Variants in MGA observed in about 807,000 individuals in gnomAD.
MGA encodes MAX dimerization protein MGA, also known as MAX gene-associated protein.
MGA carries 40 observed loss-of-function variants against 261.1 expected under a neutral mutation model. That is an observed-to-expected ratio of 0.15 (90% CI 0.12 to 0.20). MGA has a LOEUF of 0.20. Ranked by LOEUF, MGA falls within the 10% of genes least tolerant of loss-of-function variation. The pLI, the probability that MGA is intolerant of heterozygous loss-of-function variation, is 1.00. For synonymous variants in MGA, 1,302 were observed against 1,290.6 expected (o/e 1.01, Z -0.19); for missense variants, 3,397 against 3,630.5 (o/e 0.94, Z 1.65).
rs1404941762 is a variant in MGA at position 41,760,545 on chromosome 15, A to G, written c.7398+16A>G. 1.2e-6 allele frequency: 2 copies of G among 1,611,418 alleles called. No individual in the cohort carries two copies. The highest frequency in any genetic ancestry group is 3.3e-5 in the Admixed American group (2 of 59,970). Reference sequence around the variant, plus strand: ...TCTTACTCGAGTAAGTGTTCTGTGTAAATGACAGTAAGAGCTTGACTAAGA... The same window carrying G: ...TCTTACTCGAGTAAGTGTTCTGTGTGAATGACAGTAAGAGCTTGACTAAGA... On this transcript the variant is annotated intron_variant, in intron 20 of 23. Coordinates refer to ENST00000219905, the MANE Select transcript of MGA (RefSeq NM_001164273.2).
intron 5 of MGA, 112 bp from the exon 6 acceptor site, chr15:41,707,616 C>A: frequency 1.0e-6 from 1 of 1,000,752 alleles, no homozygotes; most frequent in Non-Finnish European, 1.4e-6. Context: ...TATCTCCTTT[C>A]TCTCTCGACC....
At chr15:41,646,490 C>T (rs992112964) in intron 1 of MGA, among the ~76,000 whole-genome samples, 2 of 151,678 alleles carry the variant, frequency 1.3e-5, no homozygotes, top group African/African-American at 4.8e-5. Context: ...GGGTAACAGG[C>T]GTGTATTTTT....
chr15:41,705,590 G>A (rs867158080), intron 5 of MGA, among the ~76,000 whole-genome samples: 1 of 152,080 alleles, frequency 6.6e-6, no homozygotes, highest in South Asian at 2.1e-4. Context: ...TTGAACTTTC[G>A]GGCTCAACCA....
chr15:41,660,918 T>G (rs2057362472), intron 1 of MGA, among the ~76,000 whole-genome samples: 1 of 152,138 alleles, frequency 6.6e-6, no homozygotes, highest in Non-Finnish European at 1.5e-5. Flanking sequence ...GGGCTCTAGG[T>G]CGAGAGCCAC....
intron 2 of MGA, among the ~76,000 whole-genome samples, chr15:41,690,970 G>A (rs1490273644): frequency 7.6e-6 from 1 of 131,600 alleles, no homozygotes; most frequent in African/African-American, 2.8e-5. Flanking sequence ...TGAGAACTTT[G>A]TTTCTAATTT....
intron 1 of MGA, among the ~76,000 whole-genome samples, chr15:41,637,211 T>C (rs2056728194): frequency 6.6e-6 from 1 of 152,128 alleles, no homozygotes; most frequent in Admixed American, 6.5e-5. Flanking sequence ...TGGAAAGATT[T>C]GGGCAGTGAC....
intron 15 of MGA, among the ~76,000 whole-genome samples, chr15:41,743,511 A>G (rs1010861604): frequency 2.0e-5 from 3 of 152,234 alleles, no homozygotes; most frequent in Non-Finnish European, 4.4e-5. Flanking sequence ...ACTAAAAAAC[A>G]TTACAATGGA....
chr15:41,750,188 A>C lies in MGA; in HGVS notation c.6581A>C (p.Lys2194Thr). The change falls in exon 17 of 24, where the codon AAG becomes ACG. Residue 2194 changes from lysine (K) to threonine (T), a missense_variant. Around this residue, in one of 9 missense-constraint regions of MGA, gnomAD observed 1,410 missense variants for 1,386.4 expected, o/e 1.02. Coordinates refer to ENST00000219905, the MANE Select transcript of MGA (RefSeq NM_001164273.2). ...TGTGTTGGAGCTTCACAGGAATGTAAGAAAGAGGCAGACGAGCAGTTAATT... is the reference window on the plus strand; with the variant it reads ...TGTGTTGGAGCTTCACAGGAATGTACGAAAGAGGCAGACGAGCAGTTAATT... 1 of 1,613,962 alleles carries C rather than the reference A, an allele frequency of 6.2e-7. No homozygotes were observed. The highest frequency in any genetic ancestry group is 8.5e-7 in the Non-Finnish European group (1 of 1,179,886).
At chr15:41,682,988 G>A (rs1022375052) in intron 2 of MGA, among the ~76,000 whole-genome samples, 5 of 152,028 alleles carry the variant, frequency 3.3e-5, no homozygotes, top group African/African-American at 7.3e-5. Flanking sequence ...TTACGTGTTG[G>A]GAATTGGCTT....
intron 9 of MGA, among the ~76,000 whole-genome samples, chr15:41,724,982 G>A (rs1185274375): frequency 6.6e-6 from 1 of 152,174 alleles, no homozygotes; most frequent in Non-Finnish European, 1.5e-5. Flanking sequence ...GCTTTGTCAT[G>A]AAAGATTAAT....
Position 41,736,498 on chromosome 15 carries a change from T to C in MGA, c.4234T>C (p.Ser1412Pro). The change falls in exon 13 of 24, where the codon TCT becomes CCT. Residue 1412 changes from serine (S) to proline (P), a missense_variant. Physicochemically the swap from Ser to Pro is moderately conservative, Grantham distance 74 (BLOSUM62 -1). Coordinates refer to ENST00000219905, the MANE Select transcript of MGA (RefSeq NM_001164273.2). ...AGACCAAGATGATATGGCTGAGAAA[T>C]CTGGATCAGAGACTCCTGATGGTCC... 2 of 1,613,988 alleles carry C rather than the reference T, an allele frequency of 1.2e-6. No homozygotes were observed. The highest frequency in any genetic ancestry group is 1.7e-6 in the Non-Finnish European group (2 of 1,179,886).
rs1159823543 is a variant in MGA at position 41,750,510 on chromosome 15, GGAA to G, written c.6909_6911del (p.Glu2303del). The G allele has an allele frequency of 3.1e-6, 5 of 1,613,660 alleles. No individual in the cohort carries two copies. The highest frequency in any genetic ancestry group is 1.7e-5 in the Admixed American group (1 of 59,966). On this transcript the variant is annotated inframe_deletion, in exon 17 of 24. Transcript: ENST00000219905. ...GTGCTGACTTCACTGTTTTGGATTT[GGAA>G]GAAGATGATGAAGATGATAATGAGA...
At chr15:41,756,941 T>C (rs190110473) in intron 18 of MGA, among the ~76,000 whole-genome samples, 1 of 150,070 alleles carries the variant, frequency 6.7e-6, no homozygotes, top group African/African-American at 2.4e-5. Flanking sequence ...AAAGATATAG[T>C]ATAGTATATA....
At chr15:41,686,730 G>A (rs2058990297) in intron 2 of MGA, among the ~76,000 whole-genome samples, 1 of 152,000 alleles carries the variant, frequency 6.6e-6, no homozygotes, top group South Asian at 2.1e-4. Flanking sequence ...TAAATCCATT[G>A]AAATACCATA....
chr15:41,676,953 C>T (rs1018940577), intron 2 of MGA, among the ~76,000 whole-genome samples: 1 of 152,152 alleles, frequency 6.6e-6, no homozygotes, highest in African/African-American at 2.4e-5. Flanking sequence ...ATCCCATGCT[C>T]TATTTGGTAG....
In MGA at chr15:41,762,237, T is replaced by C. The variant is rs2063499455; in HGVS notation, c.7619T>C (p.Ile2540Thr). The C allele has an allele frequency of 6.2e-7, 1 of 1,613,806 alleles. No homozygotes were observed. The highest frequency in any genetic ancestry group is 1.3e-5 in the African/African-American group (1 of 74,898). Residue 2540 changes from isoleucine to threonine, a missense_variant, in exon 22 of 24, where the codon ATA (isoleucine) becomes ACA (threonine). This residue lies in a region of MGA where 647 missense variants were observed against 642.4 expected (regional missense o/e 1.01). Transcript: ENST00000219905. ...AAGATGGGATCAGATGAGTTTGACA[T>C]ATCTCCCAGAATTAGCAAACAGCAG... is the stretch of plus-strand genomic sequence containing the variant.
rs2063791430 is a variant in MGA, at chr15:41,766,223, G to C, written c.8141G>C (p.Gly2714Ala). 1.2e-6 allele frequency: 2 copies of C among 1,613,836 alleles called. No individual in the cohort carries two copies. Among genetic ancestry groups the C allele is most frequent in the South Asian group, 2.2e-5 (2 of 91,072 alleles). ...AACAGAGATGGCAGAGTGACGTTGGGTCCAACGCAGGTTTTTCTGGCAAAC... is the reference window on the plus strand; with the variant it reads ...AACAGAGATGGCAGAGTGACGTTGGCTCCAACGCAGGTTTTTCTGGCAAAC... Residue 2714 changes from glycine (G) to alanine (A), a missense_variant, in exon 24 of 24, where the codon GGT becomes GCT. Physicochemically the swap from Gly to Ala is moderately conservative, Grantham distance 60. Coordinates refer to ENST00000219905, the MANE Select transcript of MGA (RefSeq NM_001164273.2).
In MGA at chr15:41,749,104, A is replaced by G. The variant is rs972324660; in HGVS notation, c.5504-7A>G. On this transcript the variant is annotated splice_region_variant and splice_polypyrimidine_tract_variant and intron_variant, in intron 16 of 23. Coordinates refer to ENST00000219905, the MANE Select transcript of MGA (RefSeq NM_001164273.2). ...TTTAAAAATTTCTCTCTTATTTTTT[A>G]AACCAGGGTCTGTGATGGGAATCCG... The G allele has an allele frequency of 6.3e-7, 1 of 1,594,960 alleles. No individual in the cohort carries two copies. Among genetic ancestry groups the G allele is most frequent in the African/African-American group, 1.4e-5 (1 of 73,884 alleles).
At position 41,707,746 on chromosome 15, in the gene MGA, C is replaced by T. The variant is rs201885820; in HGVS notation, c.2207C>T (p.Ser736Leu). 189 of 1,607,706 alleles carry T rather than the reference C, an allele frequency of 1.2e-4. No homozygotes were observed. Among genetic ancestry groups the T allele is most frequent in the Non-Finnish European group, 1.5e-4 (171 of 1,177,874 alleles). Residue 736 changes from serine (S) to leucine (L), a missense_variant, in exon 6 of 24, where the codon TCA (serine) becomes TTA (leucine). Physicochemically the swap from Ser to Leu is moderately radical, Grantham distance 145 (BLOSUM62 -2). This residue lies in a region of MGA where 19 missense variants were observed against 44.7 expected (regional missense o/e 0.43). Coordinates refer to ENST00000219905, the MANE Select transcript of MGA (RefSeq NM_001164273.2). ...CTTTTAGTGGGCTTAAAATTGAATTCAGTGGATCCAACAATGAGCATTGAT... is the reference window on the plus strand; with the variant it reads ...CTTTTAGTGGGCTTAAAATTGAATTTAGTGGATCCAACAATGAGCATTGAT...
Sources: gnomAD v4.1 joint callset for allele counts (sites outside exome capture counted in the v4.1 genomes callset) on GRCh38, gnomAD v4.1.1 for gene constraint, gnomAD v4.1.1 regional missense constraint, MANE v1.5 for transcripts, NCBI Gene and HGNC (gene_info 2026-07-23, HGNC 2026-07-21) for gene names.